The following NUP35 variants were observed in gnomAD, a reference collection of about 807,000 sequenced individuals.
NUP35 encodes nucleoporin NUP35.
Under a neutral mutation model 41.5 loss-of-function variants are expected in NUP35, and 25 were observed. That is an observed-to-expected ratio of 0.60 (90% CI 0.44 to 0.84). The LOEUF is 0.84. NUP35 is among the 40% of genes least tolerant of loss of function. NUP35 has a pLI of 0.00. For synonymous variants in NUP35, 149 were observed against 130.7 expected, an observed-to-expected ratio of 1.14 and a Z score of -0.96; for missense variants, 396 against 396.6, an observed-to-expected ratio of 1.00 and a Z score of 0.01.
intron 4 of NUP35, among the ~76,000 whole-genome samples, chr2:183,148,668 A>G (rs1685361357): frequency 6.6e-6 from 1 of 151,972 alleles, no homozygotes; most frequent in South Asian, 2.1e-4. Context: ...ATCTATAGAT[A>G]TATTTCGAGA....
intron 4 of NUP35, among the ~76,000 whole-genome samples, chr2:183,147,516 G>C (rs1211400511): frequency 6.6e-6 from 1 of 151,944 alleles, no homozygotes; most frequent in Non-Finnish European, 1.5e-5. Flanking sequence ...TTTGTTTCTG[G>C]GTTCTCCATT....
At chr2:183,144,675 A>T (rs1685215011) in intron 4 of NUP35, among the ~76,000 whole-genome samples, 1 of 152,148 alleles carries the variant, frequency 6.6e-6, no homozygotes, top group Non-Finnish European at 1.5e-5. Context: ...TTGCAGTCCG[A>T]TTTGATGTGG....
intron 4 of NUP35, among the ~76,000 whole-genome samples, chr2:183,147,775 T>A (rs1403350746): frequency 6.6e-6 from 1 of 152,224 alleles, no homozygotes; most frequent in Admixed American, 6.5e-5. Flanking sequence ...ATGGTCATTT[T>A]AATGATGCTG....
At chr2:183,130,036 C>T (rs1684642287) in intron 2 of NUP35, among the ~76,000 whole-genome samples, 1 of 152,234 alleles carries the variant, frequency 6.6e-6, no homozygotes, top group Non-Finnish European at 1.5e-5. Context: ...TTAGTACCTA[C>T]TTTCAAGTGA....
At chr2:183,126,027 T>TC (rs756498903) in intron 1 of NUP35, among the ~76,000 whole-genome samples, 1 of 152,048 alleles carries the variant, frequency 6.6e-6, no homozygotes, top group Non-Finnish European at 1.5e-5. Flanking sequence ...TTTCCTTCCT[T>TC]CTTCCCTCTC....
chr2:183,135,238 T>G (rs1237360341), intron 4 of NUP35, among the ~76,000 whole-genome samples: 1 of 152,214 alleles, frequency 6.6e-6, no homozygotes, highest in Non-Finnish European at 1.5e-5. Flanking sequence ...TTTGGGGACC[T>G]ACCCAGCTTA....
chr2:183,159,467 GT>G lies in NUP35; in HGVS notation c.739-19del, dbSNP rs1163856358. 7 of 1,594,128 alleles carry G rather than the reference GT, an allele frequency of 4.4e-6. No individual in the cohort carries two copies. Among genetic ancestry groups the G allele is most frequent in the Non-Finnish European group, 6.0e-6 (7 of 1,165,622 alleles). ...ATGTATTATGTTTATAAACAAAGGA[GT>G]TATTTCTTTGTTTCTCCAGAGTGTT... On this transcript the variant is annotated intron_variant, in intron 7 of 8. Coordinates refer to ENST00000295119, the MANE Select transcript of NUP35 (RefSeq NM_138285.5).
At chr2:183,142,489 G>C (rs1685131684) in intron 4 of NUP35, among the ~76,000 whole-genome samples, 1 of 150,592 alleles carries the variant, frequency 6.6e-6, no homozygotes, top group East Asian at 2.0e-4. Flanking sequence ...GGGCACTTTT[G>C]TTTTTGTTTT....
At chr2:183,133,742 ATTC>A in intron 4 of NUP35, 119 bp downstream of exon 4, 1 of 536,358 alleles carries the variant, frequency 1.9e-6, no homozygotes, top group Non-Finnish European at 3.0e-6. Flanking sequence ...ATACTTCTCT[ATTC>A]TTCGAATGAA....
At chr2:183,133,763 T>G in intron 4 of NUP35, 140 bp downstream of exon 4, 1 of 545,938 alleles carries the variant, frequency 1.8e-6, no homozygotes, top group Non-Finnish European at 2.9e-6. Context: ...GAATTTAATA[T>G]AAAATGTTTG....
intron 1 of NUP35, among the ~76,000 whole-genome samples, chr2:183,127,278 A>C (rs1575112031): frequency 6.9e-6 from 1 of 144,614 alleles, no homozygotes; most frequent in Non-Finnish European, 1.5e-5. Flanking sequence ...TGATTCTTTA[A>C]TTTTTTTTTT....
intron 2 of NUP35, among the ~76,000 whole-genome samples, chr2:183,129,134 G>T (rs1684604722): frequency 6.6e-6 from 1 of 152,162 alleles, no homozygotes; most frequent in African/African-American, 2.4e-5. Flanking sequence ...GTCAAAAGAA[G>T]TGTAACTTGA....
Position 183,161,365 on chromosome 2 carries a change from T to C in NUP35, c.*234T>C. 3.0e-6 allele frequency: 1 copy of C among 335,124 alleles called. No homozygotes were observed. The highest frequency in any genetic ancestry group is 4.4e-5 in the Admixed American group (1 of 22,974). The allele number at this position is 335,124 out of a possible 1,614,324, so 20.8% of individuals were successfully genotyped here. A position where few individuals can be genotyped will look rare whatever the true frequency, so the allele number is the denominator to read the frequency against. On this transcript the variant is annotated 3_prime_UTR_variant, in exon 9 of 9. Coordinates refer to ENST00000295119, the MANE Select transcript of NUP35 (RefSeq NM_138285.5). ...CCTGTAAATAGGATTTTGTGCTTTC[T>C]GTAACAGTGCATGCTTCAGCACAGA...
In NUP35 at chr2:183,159,606, T is replaced by C. The variant is rs1685795020; in HGVS notation, c.857T>C (p.Met286Thr). The part of the protein sequence containing the change: ...QPGSTPRIST[M>T]RPLATAYKAS... The stretch of plus-strand genomic sequence containing the variant: ...GGAAGTACTCCTAGGATTTCTACCA[T>C]GAGACCTCTTGCTACAGCATACAAA... The change falls in exon 8 of 9, where the codon ATG becomes ACG. Residue 286 changes from methionine (M) to threonine (T), a missense_variant. Coordinates refer to ENST00000295119, the MANE Select transcript of NUP35 (RefSeq NM_138285.5). 6.2e-7 allele frequency: 1 copy of C among 1,613,380 alleles called. No individual in the cohort carries two copies. The highest frequency in any genetic ancestry group is 8.5e-7 in the Non-Finnish European group (1 of 1,179,692).
At chr2:183,134,818 G>A (rs1464343673) in intron 4 of NUP35, among the ~76,000 whole-genome samples, 1 of 151,326 alleles carries the variant, frequency 6.6e-6, no homozygotes, top group Non-Finnish European at 1.5e-5. Context: ...TAGAGATGGG[G>A]TGTCACCGTC....
rs1047023369 is a variant in NUP35, at chr2:183,157,864, A to G, written c.609+351A>G. On this transcript the variant is annotated intron_variant, in intron 6 of 8. Coordinates refer to ENST00000295119, the MANE Select transcript of NUP35 (RefSeq NM_138285.5). ...TAAAAGAAGTAGGAGGCAGTTCCTG[A>G]GCTTTTAGAGTTTTTAGAGCTTTAT... is the stretch of plus-strand genomic sequence containing the variant. 1.7e-4 allele frequency among the ~76,000 whole-genome samples: 26 copies of G among 152,102 alleles called. 1 individual carries two copies. The highest frequency in any genetic ancestry group is 6.0e-4 in the African/African-American group (25 of 41,442).
Position 183,148,569 on chromosome 2 carries a change from A to G in NUP35, c.398-2939A>G, listed in dbSNP as rs1013113064. On this transcript the variant is annotated intron_variant, in intron 4 of 8. Transcript: ENST00000295119. ...GATTTGTGATGTTGAGCATTTTTTCATATACCTCTTAGCCATTTGTATGTC... is the reference window on the plus strand; with the variant it reads ...GATTTGTGATGTTGAGCATTTTTTCGTATACCTCTTAGCCATTTGTATGTC... Among the ~76,000 whole-genome samples, 4 of 152,156 alleles carry G rather than the reference A, an allele frequency of 2.6e-5. No individual in the cohort carries two copies. In the East Asian group the frequency reaches 7.7e-4, roughly 29 times the overall value.
intron 5 of NUP35, among the ~76,000 whole-genome samples, chr2:183,156,393 G>A (rs556638680): frequency 2.2e-4 from 33 of 152,316 alleles, no homozygotes; most frequent in African/African-American, 7.5e-4. Flanking sequence ...CGGCTGGAGT[G>A]CAGTGGCACG....
Position 183,133,566 on chromosome 2 carries a change from C to A in NUP35, c.340C>A (p.Pro114Thr). ...GSTPLTSRRQ[P>T]NISVMQSPLV... ...ATAACACTTTCTTCTGTTTGTGTAG[C>A]CAAACATTTCAGTAATGCAGAGTCC... Residue 114 changes from proline to threonine, a missense_variant and splice_region_variant, in exon 4 of 9, where the codon CCA becomes ACA. Coordinates refer to ENST00000295119, the MANE Select transcript of NUP35 (RefSeq NM_138285.5). 2 of 1,601,792 alleles carry A rather than the reference C, an allele frequency of 1.2e-6. No homozygotes were observed. Among genetic ancestry groups the A allele is most frequent in the Non-Finnish European group, 1.7e-6 (2 of 1,174,618 alleles).
Sources: gnomAD v4.1 joint callset for allele counts (sites outside exome capture counted in the v4.1 genomes callset) on GRCh38, gnomAD v4.1.1 for gene constraint, MANE v1.5 for transcripts, NCBI Gene and HGNC (gene_info 2026-07-23, HGNC 2026-07-21) for gene names.